The following ST14 variants were observed in gnomAD, a reference collection of about 807,000 sequenced individuals.
ST14 encodes the protein suppressor of tumorigenicity 14 protein.
Under a neutral mutation model 96.5 loss-of-function variants are expected in ST14, and 40 were observed. The observed-to-expected ratio is 0.41, with a 90% confidence interval of 0.32 to 0.54. ST14 has a LOEUF of 0.54. Ranked by LOEUF, ST14 falls within the 20% of genes least tolerant of loss-of-function variation. The pLI is 0.17. For synonymous variants in ST14, 506 were observed against 492.1 expected (o/e 1.03, Z -0.37); for missense variants, 1,066 against 1,188.9 (o/e 0.90, Z 1.52).
At position 130,190,524 on chromosome 11, in the gene ST14, C is replaced by T; in HGVS notation, c.705C>T (p.Asp235=). ...GCTTCACCACGCCCGGCTTCCCTGA[C>T]AGCCCCTACCCCGCTCATGCCCGCT... ...LMRFTTPGFP[D]SPYPAHARCQ... is the part of the protein sequence containing the mutation. Residue 235 remains aspartate (D), a synonymous_variant, in exon 7 of 19, where the codon GAC becomes GAT. Coordinates refer to ENST00000278742, the MANE Select transcript of ST14 (RefSeq NM_021978.4). The T allele has an allele frequency of 6.2e-7, 1 of 1,610,780 alleles. No individual in the cohort carries two copies. Among genetic ancestry groups the T allele is most frequent in the Non-Finnish European group, 8.5e-7 (1 of 1,179,822 alleles).
At chr11:130,207,637 C>CG (rs1953502157) in intron 16 of ST14, among the ~76,000 whole-genome samples, 1 of 152,252 alleles carries the variant, frequency 6.6e-6, no homozygotes, top group Admixed American at 6.5e-5. Flanking sequence ...CCTTTCCCCC[C>CG]AGTGGGGTGG....
In ST14 at chr11:130,199,679, G is replaced by A. The variant is rs138342657; in HGVS notation, c.1808-272G>A. On this transcript the variant is annotated intron_variant, in intron 15 of 18. Transcript: ENST00000278742. ...AAGTGAAGCTGACCAGCCAGCCTCC[G>A]GAGGCCCTCGCTGCATTTGTGAGGG... 4.3e-3 allele frequency among the ~76,000 whole-genome samples: 650 copies of A among 152,294 alleles called. 5 individuals are homozygous for A. The highest frequency in any genetic ancestry group is 0.014 in the African/African-American group (590 of 41,554).
chr11:130,169,092 G>GTTTTT (rs59747710), intron 1 of ST14, among the ~76,000 whole-genome samples: 17 of 112,304 alleles, frequency 1.5e-4, no homozygotes, highest in African/African-American at 4.6e-4. Context: ...AATATAATGG[G>GTTTTT]TTTTTTTTTT....
At chr11:130,197,742 T>G in intron 11 of ST14, 99 bp from the exon 12 acceptor site, 32 of 989,148 alleles carry the variant, frequency 3.2e-5, no homozygotes, top group Non-Finnish European at 4.8e-5. Flanking sequence ...CCTGCTCCTG[T>G]GTGTTTGTGG....
At chr11:130,172,237 G>T (rs571810871) in intron 1 of ST14, among the ~76,000 whole-genome samples, 8 of 150,628 alleles carry the variant, frequency 5.3e-5, no homozygotes, top group African/African-American at 1.7e-4. Context: ...ACCTCAGCCC[G>T]CTGAGTAGCT....
intron 1 of ST14, among the ~76,000 whole-genome samples, chr11:130,172,122 C>CT (rs61358236): frequency 0.015 from 2,230 of 147,564 alleles, 32 homozygotes; most frequent in South Asian, 0.056. Context: ...CTTTTGGTTG[C>CT]TTTTTTTTTT....
At chr11:130,180,910 A>G (rs1953186030) in intron 1 of ST14, among the ~76,000 whole-genome samples, 1 of 152,124 alleles carries the variant, frequency 6.6e-6, no homozygotes, top group African/African-American at 2.4e-5. Context: ...AGACAATGAG[A>G]TAAGATGAAA....
chr11:130,161,745 G>A (rs1953000449), intron 1 of ST14, among the ~76,000 whole-genome samples: 1 of 152,180 alleles, frequency 6.6e-6, no homozygotes, highest in Non-Finnish European at 1.5e-5. Context: ...CTCTTGGCTT[G>A]CTCTTTGTCT....
At chr11:130,161,111 T>G (rs1350017492) in intron 1 of ST14, among the ~76,000 whole-genome samples, 5 of 152,196 alleles carry the variant, frequency 3.3e-5, no homozygotes. Context: ...CCAAGCAGCA[T>G]CCCGACCTAG....
In ST14 at chr11:130,210,065, A is replaced by G. The variant is rs188045617; in HGVS notation, c.*242A>G. 315 of 553,290 alleles carry G rather than the reference A, an allele frequency of 5.7e-4. 1 individual carries two copies. The highest frequency in any genetic ancestry group is 5.5e-3 in the African/African-American group (293 of 53,060). 34.3% of individuals were successfully genotyped at this position (553,290 alleles called of 1,614,324 possible). A position where few individuals can be genotyped will look rare whatever the true frequency, so the allele number is the denominator to read the frequency against. On this transcript the variant is annotated 3_prime_UTR_variant, in exon 19 of 19. Transcript: ENST00000278742. ...GTTCTACTGACCCAACTGGGGGCAA[A>G]GGTTTGAAGACACAGCCTCCCCCGC...
chr11:130,167,666 A>G (rs1410775953), intron 1 of ST14, among the ~76,000 whole-genome samples: 1 of 152,106 alleles, frequency 6.6e-6, no homozygotes, highest in Non-Finnish European at 1.5e-5. Context: ...GGGATCTCCC[A>G]GAATTACTCC....
intron 1 of ST14, among the ~76,000 whole-genome samples, chr11:130,179,809 T>A (rs1269510697): frequency 6.6e-6 from 1 of 152,120 alleles, no homozygotes; most frequent in African/African-American, 2.4e-5. Flanking sequence ...CAGGTGGGCT[T>A]GAGCCGTGCT....
At chr11:130,162,648 T>C (rs1284141514) in intron 1 of ST14, among the ~76,000 whole-genome samples, 1 of 152,228 alleles carries the variant, frequency 6.6e-6, no homozygotes, top group Non-Finnish European at 1.5e-5. Context: ...GGTAACCCAC[T>C]GACTGAGCCT....
intron 1 of ST14, among the ~76,000 whole-genome samples, chr11:130,168,281 C>T (rs1953059196): frequency 6.6e-6 from 1 of 152,150 alleles, no homozygotes; most frequent in Non-Finnish European, 1.5e-5. Context: ...GTGGGTTATG[C>T]TGGTGAATTC....
At chr11:130,208,766 C>T (rs1209141096) in intron 17 of ST14, 82 bp downstream of exon 17, 3 of 1,491,982 alleles carry the variant, frequency 2.0e-6, no homozygotes, top group Non-Finnish European at 2.7e-6. Flanking sequence ...TGTCCGGTCT[C>T]GGGGCGGGGG....
intron 11 of ST14, 132 bp downstream of exon 11, chr11:130,196,832 G>A (rs1344085343): frequency 1.5e-6 from 2 of 1,375,778 alleles, no homozygotes; most frequent in Non-Finnish European, 2.0e-6. Context: ...CACCCCTCCC[G>A]TAGCTTTGGG....
chr11:130,186,187 G>A (rs1953236555), intron 1 of ST14, among the ~76,000 whole-genome samples: 1 of 152,198 alleles, frequency 6.6e-6, no homozygotes, highest in Admixed American at 6.5e-5. Context: ...ATGTGTGAGT[G>A]TAGAATTAAG....
chr11:130,165,940 A>G (rs1294779741), intron 1 of ST14, among the ~76,000 whole-genome samples: 1 of 152,224 alleles, frequency 6.6e-6, no homozygotes, highest in African/African-American at 2.4e-5. Flanking sequence ...GATGATGGTG[A>G]AGGTTGCATA....
At chr11:130,165,412 G>A (rs1480260244) in intron 1 of ST14, among the ~76,000 whole-genome samples, 3 of 152,180 alleles carry the variant, frequency 2.0e-5, no homozygotes, top group Admixed American at 2.0e-4. Context: ...TGTGTTTGGG[G>A]TTTGCTCAGA....
Sources: allele counts gnomAD v4.1 joint callset (sites outside exome capture counted in the v4.1 genomes callset), GRCh38; gene constraint gnomAD v4.1.1; transcripts MANE v1.5; gene names NCBI Gene and HGNC (gene_info 2026-07-23, HGNC 2026-07-21).